The following SETD1B variants were observed in gnomAD, a reference collection of about 807,000 sequenced individuals.
The protein encoded by SETD1B is histone-lysine N-methyltransferase SETD1B.
A neutral mutation model predicts 148.0 loss-of-function variants in SETD1B; 7 were observed. The ratio of observed to expected loss-of-function variants is 0.05; its 90% CI spans 0.03 to 0.09. SETD1B has a LOEUF of 0.09. SETD1B is among the 10% of genes least tolerant of loss of function. The pLI is 1.00. For missense variants in SETD1B, 2,155 were observed against 2,729.9 expected (o/e 0.79, Z 4.69); for synonymous variants, 1,361 against 1,186.5 (o/e 1.15, Z -3.02).
At chr12:121,826,668 G>A (rs1876855932) in intron 13 of SETD1B, among the ~76,000 whole-genome samples, 1 of 152,100 alleles carries the variant, frequency 6.6e-6, no homozygotes, top group Non-Finnish European at 1.5e-5. Context: ...TGGAGCTGGT[G>A]CAGGGGTCCT....
chr12:121,805,669 A>ATTTTTTTTTTCCAAAAAAAATTTTT lies in SETD1B; in HGVS notation c.274-155_274-131dup, dbSNP rs1875704045. 2.3e-5 allele frequency among the ~76,000 whole-genome samples: 3 copies of ATTTTTTTTTTCCAAAAAAAATTTTT among 131,358 alleles called. No individual in the cohort carries two copies. Among genetic ancestry groups the ATTTTTTTTTTCCAAAAAAAATTTTT allele is most frequent in the African/African-American group, 8.6e-5 (3 of 34,710 alleles). 86.2% of individuals were successfully genotyped at this position (131,358 alleles called of 152,430 possible). On this transcript the variant is annotated intron_variant, in intron 3 of 16. Transcript: ENST00000604567. This position sits in a 1 kb window ranked among gnomAD's most constrained non-coding sequence, Gnocchi z 4.2. ...CCGCTTCCCGGGCCCGCCCGCGTGCATTTTTTTTTTCCAAAAAAAATTTTT... is the reference window on the plus strand; with the variant it reads ...CCGCTTCCCGGGCCCGCCCGCGTGCATTTTTTTTTTCCAAAAAAAATTTTTTTTTTTTTTTCCAAAAAAAATTTTT...
At chr12:121,796,148 A>G in the SETD1B span, 1 of 152,592 alleles carries the variant, frequency 6.6e-6, no homozygotes, top group African/African-American at 2.4e-5. Flanking sequence ...CGCTGGGCCC[A>G]CTGAGGAACT....
At chr12:121,807,380 C>T (rs567240990) in intron 4 of SETD1B, among the ~76,000 whole-genome samples, 1 of 149,746 alleles carries the variant, frequency 6.7e-6, no homozygotes, top group Admixed American at 6.7e-5. Context: ...AACATGGTAA[C>T]CCCTTTCCTA....
At chr12:121,790,454 C>T in the SETD1B span, among the ~76,000 whole-genome samples, 1 of 152,238 alleles carries the variant, frequency 6.6e-6, no homozygotes, top group Non-Finnish European at 1.5e-5. Context: ...TCCTGAGAGC[C>T]GTCCACCTGC....
In SETD1B at chr12:121,810,274, G is replaced by C. The variant is rs960642990; in HGVS notation, c.1329G>C (p.Leu443=). Residue 443 remains leucine (L), a synonymous_variant, in exon 6 of 17, where the codon CTG becomes CTC. Coordinates refer to ENST00000604567, the MANE Select transcript of SETD1B (RefSeq NM_001353345.2). The surrounding 1 kb of genome is among the most constrained non-coding windows in gnomAD (Gnocchi z 7.6). ...APPPLPPAEP[L]AKEKPGTPPG... ...CACCCCTGCCACCTGCTGAGCCTCTGGCCAAGGAGAAGCCAGGCACGCCAC... is the reference window on the plus strand; with the variant it reads ...CACCCCTGCCACCTGCTGAGCCTCTCGCCAAGGAGAAGCCAGGCACGCCAC... 17 of 1,544,634 alleles carry C rather than the reference G, an allele frequency of 1.1e-5. No individual in the cohort carries two copies. Among genetic ancestry groups the C allele is most frequent in the Non-Finnish European group, 1.3e-5 (15 of 1,146,730 alleles).
chr12:121,819,282 C>T, intron 10 of SETD1B, 122 bp from the exon 11 acceptor site: 1 of 1,488,670 alleles, frequency 6.7e-7, no homozygotes, highest in Non-Finnish European at 8.9e-7. Flanking sequence ...ATGCCCCACA[C>T]ACATATCTGA....
At chr12:121,798,208 C>T in the SETD1B span, among the ~76,000 whole-genome samples, 2 of 152,120 alleles carry the variant, frequency 1.3e-5, no homozygotes, top group East Asian at 3.8e-4. Context: ...TGGGGAGTCA[C>T]TTCTCCCCGG....
the SETD1B span, chr12:121,793,382 C>G: frequency 2.1e-6 from 3 of 1,461,208 alleles, no homozygotes; most frequent in Non-Finnish European, 2.8e-6. Flanking sequence ...AGGGGGCGCC[C>G]CGGGGTGGCG....
At chr12:121,802,952 T>A (rs1187760061), upstream of SETD1B, 1 of 152,270 alleles carries the variant, frequency 6.6e-6, no homozygotes, top group African/African-American at 2.4e-5. Flanking sequence ...TGATGAAGGA[T>A]GTTTTGAGAT....
chr12:121,813,332 C>A (rs1566550857), intron 6 of SETD1B, among the ~76,000 whole-genome samples: 1 of 152,264 alleles, frequency 6.6e-6, no homozygotes, highest in Middle Eastern at 3.2e-3. Context: ...TAACAACACA[C>A]TTCCTGTTTA....
chr12:121,828,243 C>T (rs1227836175), intron 16 of SETD1B, among the ~76,000 whole-genome samples, 173 bp downstream of exon 16: 2 of 152,246 alleles, frequency 1.3e-5, no homozygotes, highest in Non-Finnish European at 2.9e-5. Flanking sequence ...ACCAGGAGCT[C>T]TACTCCTCTG....
In SETD1B at chr12:121,804,454, C is replaced by T. The variant is rs1418642862; in HGVS notation, c.-15+221C>T. Among the ~76,000 whole-genome samples the T allele has an allele frequency of 1.0e-4, 15 of 150,178 alleles. No homozygotes were observed. Among genetic ancestry groups the T allele is most frequent in the Non-Finnish European group, 3.0e-5 (2 of 67,352 alleles). On this transcript the variant is annotated intron_variant, in intron 1 of 16. Transcript: ENST00000604567. This position sits in a 1 kb window ranked among gnomAD's most constrained non-coding sequence, Gnocchi z 4.6. ...CGGAGTCCGCGTCCTCCGGGCGCCC[C>T]GGGCCCCGCCAGCCCGCCCAGGGGA...
Position 121,805,999 on chromosome 12 carries a change from C to T in SETD1B, c.438C>T (p.Ile146=), listed in dbSNP as rs1168666. The T allele has an allele frequency of 0.8, 1,242,773 of 1,551,384 alleles. 503,048 individuals carry two copies. Among genetic ancestry groups the T allele is most frequent in the East Asian group, 0.95 (39,045 of 40,902 alleles). The change falls in exon 4 of 17, where the codon ATC becomes ATT. Residue 146 remains isoleucine, a synonymous_variant. Transcript: ENST00000604567. This position sits in a 1 kb window ranked among gnomAD's most constrained non-coding sequence, Gnocchi z 4.2. ...CCAAGACCAAGAAGCACCTGGGCAT[C>T]GCCAAGGTGGTCTTTGCCACGGTCC... is the stretch of plus-strand genomic sequence containing the variant. ...YNPKTKKHLG[I]AKVVFATVRG...
In SETD1B at chr12:121,814,744, A is replaced by G. The variant is rs1475109692; in HGVS notation, c.2529A>G (p.Ser843=). 3.9e-6 allele frequency: 6 copies of G among 1,551,154 alleles called. No individual in the cohort carries two copies. Among genetic ancestry groups the G allele is most frequent in the East Asian group, 4.9e-5 (2 of 40,892 alleles). The change falls in exon 7 of 17, where the codon TCA becomes TCG. Residue 843 remains serine, a synonymous_variant. Coordinates refer to ENST00000604567, the MANE Select transcript of SETD1B (RefSeq NM_001353345.2). ...CACCACTGCCCAAGTTTGACCCGTC[A>G]GTGCCTCCACCAGGCTACATGCCAC... ...HWPPLPKFDP[S]VPPPGYMPRQ...
At position 121,814,613 on chromosome 12, in the gene SETD1B, G is replaced by T; in HGVS notation, c.2398G>T (p.Ala800Ser). ...CTGCCCCTACCCGCCCTTCATGGCCGCTGCGGCCGCCGCTGCCTCAGCTGG... is the reference window on the plus strand; with the variant it reads ...CTGCCCCTACCCGCCCTTCATGGCCTCTGCGGCCGCCGCTGCCTCAGCTGG... The part of the protein sequence containing the change: ...GACPYPPFMA[A>S]AAAAASAGLQ... The change falls in exon 7 of 17, where the codon GCT becomes TCT. Residue 800 changes from alanine to serine, a missense_variant. Physicochemically the swap from Ala to Ser is moderately conservative, Grantham distance 99. Coordinates refer to ENST00000604567, the MANE Select transcript of SETD1B (RefSeq NM_001353345.2). The T allele has an allele frequency of 6.5e-7, 1 of 1,541,564 alleles. No individual in the cohort carries two copies. The highest frequency in any genetic ancestry group is 8.8e-7 in the Non-Finnish European group (1 of 1,141,480).
the SETD1B span, chr12:121,797,698 A>AC: frequency 2.0e-3 from 878 of 434,018 alleles, 10 homozygotes; most frequent in African/African-American, 0.016. Context: ...GGGAGTAAAG[A>AC]CCCCACCCGG....
chr12:121,822,617 A>C lies in SETD1B; in HGVS notation c.4038A>C (p.Ser1346=). ...PPPEPETTDA[S]HPSVPPEPLA... ...CGGAGCCTGAGACCACAGATGCCTC[A>C]CACCCATCTGTCCCTCCGGAGCCCC... The change falls in exon 12 of 17, where the codon TCA becomes TCC. Residue 1346 remains serine, a synonymous_variant. Coordinates refer to ENST00000604567, the MANE Select transcript of SETD1B (RefSeq NM_001353345.2). The C allele has an allele frequency of 6.4e-7, 1 of 1,550,652 alleles. No individual in the cohort carries two copies. Among genetic ancestry groups the C allele is most frequent in the Non-Finnish European group, 8.7e-7 (1 of 1,146,566 alleles).
the SETD1B span, among the ~76,000 whole-genome samples, chr12:121,790,173 G>A: frequency 2.0e-5 from 3 of 152,222 alleles, no homozygotes; most frequent in Non-Finnish European, 4.4e-5. Flanking sequence ...CTTCCACGAG[G>A]GCCCCTGTGG....
rs187543935 is a variant in SETD1B at position 121,832,124 on chromosome 12, A to T, written c.*1885A>T. 1 of 152,156 alleles carries T rather than the reference A, an allele frequency of 6.6e-6. No homozygotes were observed. The highest frequency in any genetic ancestry group is 2.4e-5 in the African/African-American group (1 of 41,432). The allele number at this position is 152,156 out of a possible 1,614,324, so 9.4% of individuals were successfully genotyped here. ...GAGACGGCTGATTCAAGTTACATGT[A>T]CAGCCTCCAAAGGGCTGTCTCCATT... On this transcript the variant is annotated 3_prime_UTR_variant, in exon 17 of 17. Coordinates refer to ENST00000604567, the MANE Select transcript of SETD1B (RefSeq NM_001353345.2).
Sources: gnomAD v4.1 joint callset for allele counts (sites outside exome capture counted in the v4.1 genomes callset) on GRCh38, gnomAD v4.1.1 for gene constraint, Gnocchi (gnomAD v3.1) non-coding constraint, MANE v1.5 for transcripts, NCBI Gene and HGNC (gene_info 2026-07-23, HGNC 2026-07-21) for gene names.